NOP14: variants seen among roughly 807,000 people sequenced by gnomAD.
NOP14 encodes NOP14 nucleolar protein, also known as nucleolar protein 14.
NOP14 carries 57 observed loss-of-function variants against 101.6 expected under a neutral mutation model. The ratio of observed to expected loss-of-function variants is 0.56; its 90% CI spans 0.45 to 0.70. The LOEUF (loss-of-function observed/expected upper bound fraction) is 0.70. Ranked by LOEUF, NOP14 falls within the 30% of genes least tolerant of loss-of-function variation. The pLI, the probability that NOP14 is intolerant of heterozygous loss-of-function variation, is 0.00. For synonymous variants in NOP14, 428 were observed against 424.0 expected, an observed-to-expected ratio of 1.01 and a Z score of -0.12; for missense variants, 1,134 against 1,075.5, an observed-to-expected ratio of 1.05 and a Z score of -0.76.
At chr4:2,939,050 G>A (rs1225735350) in intron 17 of NOP14, 120 bp from the exon 18 acceptor site, 5 of 1,481,148 alleles carry the variant, frequency 3.4e-6, no homozygotes, top group Non-Finnish European at 1.9e-6. Flanking sequence ...CAAACAGGGG[G>A]AAGTGAACCT....
chr4:2,939,951 T>C (rs976692323), intron 15 of NOP14, among the ~76,000 whole-genome samples: 3 of 152,238 alleles, frequency 2.0e-5, no homozygotes, highest in Admixed American at 6.5e-5. Flanking sequence ...CACCATAGCC[T>C]GTGCTCCTCA....
In NOP14 at chr4:2,948,460, T is replaced by C; in HGVS notation, c.1283-52A>G. The stretch of plus-strand genomic sequence containing the variant: ...CATTTAACATTTATATATATGTATA[T>C]ATATTTATTTTTGAGATGGAGTCTC... On this transcript the variant is annotated intron_variant, in intron 8 of 17. Coordinates refer to ENST00000416614, the MANE Select transcript of NOP14 (RefSeq NM_001291978.2). The C allele has an allele frequency of 2.2e-6, 3 of 1,380,034 alleles. No homozygotes were observed. The South Asian group carries it at 4.3e-5, about 20-fold the overall frequency. The allele number at this position is 1,380,034 out of a possible 1,614,324, so 85.5% of individuals were successfully genotyped here.
chr4:2,948,260 C>T lies in NOP14; in HGVS notation c.1413+18G>A. On this transcript the variant is annotated intron_variant, in intron 9 of 17. Transcript: ENST00000416614. Reference sequence around the variant, plus strand: ...ATGCTGACACTCCCAGCGCTCCACACACACTCAATCCACGTACTTCTAATT... The same window carrying T: ...ATGCTGACACTCCCAGCGCTCCACATACACTCAATCCACGTACTTCTAATT... 1.3e-6 allele frequency: 2 copies of T among 1,589,236 alleles called. No individual in the cohort carries two copies. The highest frequency in any genetic ancestry group is 1.7e-6 in the Non-Finnish European group (2 of 1,171,920).
chr4:2,961,585 G>T (rs1029746360), intron 1 of NOP14: 1 of 152,244 alleles, frequency 6.6e-6, no homozygotes, highest in African/African-American at 2.4e-5. Flanking sequence ...TCAACTGGAC[G>T]ACCTGCTGTC....
At chr4:2,947,375 C>T in intron 10 of NOP14, 151 bp downstream of exon 10, 1 of 633,036 alleles carries the variant, frequency 1.6e-6, no homozygotes, top group South Asian at 1.9e-5. Flanking sequence ...GTGAGGCTCA[C>T]AAGCCCTGGG....
Position 2,945,179 on chromosome 4 carries a change from C to T in NOP14, c.1686G>A (p.Trp562Ter). Residue 562 changes from tryptophan to a stop codon, truncating the protein, a stop_gained, in exon 12 of 18, where the codon TGG (tryptophan) becomes TGA (stop). Transcript: ENST00000416614. LOFTEE classifies it high-confidence loss of function. ...TGLLFPTSDF[W>*]HPVVTPALVC... ...CGAGGGCAGGGGTCACCACTGGGTGCCAGAAGTCGGAAGTTGGAAATAGCA... is the reference window on the plus strand; with the variant it reads ...CGAGGGCAGGGGTCACCACTGGGTGTCAGAAGTCGGAAGTTGGAAATAGCA... The T allele has an allele frequency of 1.3e-5, 21 of 1,590,954 alleles. No homozygotes were observed. The highest frequency in any genetic ancestry group is 1.8e-5 in the Non-Finnish European group (21 of 1,168,458).
At chr4:2,944,384 A>G (rs1462344424) in intron 12 of NOP14, among the ~76,000 whole-genome samples, 158 bp from the exon 13 acceptor site, 1 of 151,930 alleles carries the variant, frequency 6.6e-6, no homozygotes, top group African/African-American at 2.4e-5. Context: ...ATCAAATGAG[A>G]TGAAAACAAG....
intron 7 of NOP14, chr4:2,950,463 T>C (rs1714951197): frequency 1.8e-6 from 1 of 549,846 alleles, no homozygotes; most frequent in African/African-American, 1.9e-5. Context: ...GTTCAGCTTT[T>C]GCCAGGGAGC....
intron 12 of NOP14, among the ~76,000 whole-genome samples, chr4:2,944,759 T>C (rs1177032699): frequency 6.6e-6 from 1 of 152,216 alleles, no homozygotes; most frequent in African/African-American, 2.4e-5. Flanking sequence ...GTACGATTAC[T>C]GCACTAAGCA....
Position 2,944,190 on chromosome 4 carries a change from G to T in NOP14, c.1774C>A (p.Leu592Met). The change falls in exon 13 of 18, where the codon CTG becomes ATG. Residue 592 changes from leucine to methionine, a missense_variant. Transcript: ENST00000416614. The stretch of plus-strand genomic sequence containing the variant: ...TCCAGGAACAGGCAGCACACGAACA[G>T]GCCCTTCACCACGTCCTGGAGGGAC... ...ILSLQDVVKG[L>M]FVCCLFLEYV... 4 of 1,614,058 alleles carry T rather than the reference G, an allele frequency of 2.5e-6. No homozygotes were observed. The highest frequency in any genetic ancestry group is 3.4e-6 in the Non-Finnish European group (4 of 1,179,992).
chr4:2,961,770 G>C (rs776366558), intron 1 of NOP14: 1 of 152,198 alleles, frequency 6.6e-6, no homozygotes, highest in Admixed American at 6.5e-5. Context: ...TCCTGACCGG[G>C]ATCTCCTAAG....
Position 2,944,228 on chromosome 4 carries a change from T to C in NOP14, c.1738-2A>G. 1 of 1,610,596 alleles carries C rather than the reference T, an allele frequency of 6.2e-7. No homozygotes were observed. The highest frequency in any genetic ancestry group is 1.7e-5 in the Admixed American group (1 of 59,022). ...GTCCTGGAGGGACAGGATGGGGCACTGGAAAGGAACATATGGGGGGTTACT... is the reference window on the plus strand; with the variant it reads ...GTCCTGGAGGGACAGGATGGGGCACCGGAAAGGAACATATGGGGGGTTACT... On this transcript the variant is annotated splice_acceptor_variant, in intron 12 of 17. Transcript: ENST00000416614. LOFTEE classifies it high-confidence loss of function.
chr4:2,949,655 A>G (rs1714880294), intron 8 of NOP14, among the ~76,000 whole-genome samples: 1 of 152,212 alleles, frequency 6.6e-6, no homozygotes, highest in Non-Finnish European at 1.5e-5. Flanking sequence ...GTCCACCACA[A>G]GAGGCTGACC....
Position 2,950,013 on chromosome 4 carries a change from CT to C in NOP14, c.1202del (p.Gln401ArgfsTer7), listed in dbSNP as rs1201018953. ...CGCTTATCAACCCTTTCCCAGGAGT[CT>C]GCCTCTGCTCTTTTGCTGGCTTCTC... ...ENEKPAKEQRQTPGKGLISGK... is the reference protein window; with the variant it reads ...ENEKPAKEQRXTPGKGLISGK... On this transcript the variant is annotated frameshift_variant, in exon 8 of 18. Transcript: ENST00000416614. LOFTEE classifies it high-confidence loss of function. 2 of 1,614,102 alleles carry C rather than the reference CT, an allele frequency of 1.2e-6. No homozygotes were observed. The highest frequency in any genetic ancestry group is 8.5e-7 in the Non-Finnish European group (1 of 1,180,046).
rs758025573 is a variant in NOP14 at position 2,948,271 on chromosome 4, C to A, written c.1413+7G>T. On this transcript the variant is annotated splice_region_variant and intron_variant, in intron 9 of 17. Coordinates refer to ENST00000416614, the MANE Select transcript of NOP14 (RefSeq NM_001291978.2). The stretch of plus-strand genomic sequence containing the variant: ...CCCAGCGCTCCACACACACTCAATC[C>A]ACGTACTTCTAATTTTGCTTTGTTT... The A allele has an allele frequency of 3.6e-5, 58 of 1,596,248 alleles. No individual in the cohort carries two copies. The Middle Eastern group carries it at 6.6e-4, about 18-fold the overall frequency.
In NOP14 at chr4:2,956,823, G is replaced by T; in HGVS notation, c.331-12C>A. The T allele has an allele frequency of 6.6e-7, 1 of 1,518,964 alleles. No homozygotes were observed. The allele number at this position is 1,518,964 out of a possible 1,614,324, so 94.1% of individuals were successfully genotyped here. A position where few individuals can be genotyped will look rare whatever the true frequency, so the allele number is the denominator to read the frequency against. ...TTCTCATGATGTCGCTGACAGAAGA[G>T]AAAAAAAGTTTCCTAAAATTACCAC... On this transcript the variant is annotated splice_polypyrimidine_tract_variant and intron_variant, in intron 2 of 17. Transcript: ENST00000416614.
intron 9 of NOP14, 111 bp downstream of exon 9, chr4:2,948,167 C>A: frequency 7.5e-7 from 1 of 1,326,908 alleles, no homozygotes; most frequent in Non-Finnish European, 1.0e-6. Context: ...CGGGCTGGCC[C>A]CATCTGGCCT....
intron 8 of NOP14, 134 bp downstream of exon 8, chr4:2,949,800 G>T: frequency 4.1e-6 from 4 of 964,082 alleles, no homozygotes; most frequent in African/African-American, 1.6e-5. Flanking sequence ...ACAGGGGTGT[G>T]TCCAGGCACT....
Position 2,963,406 on chromosome 4 carries a change from C to T in NOP14, c.-87G>A. On this transcript the variant is annotated 5_prime_UTR_variant, in exon 1 of 18. Transcript: ENST00000416614. ...TAAGACACGTGCCGGGCCGCGGAAC[C>T]GCTTCCTCGTCTCGCGAGAACAGCG... 1 of 1,346,442 alleles carries T rather than the reference C, an allele frequency of 7.4e-7. No homozygotes were observed. The highest frequency in any genetic ancestry group is 9.7e-7 in the Non-Finnish European group (1 of 1,027,834). 83.4% of individuals were successfully genotyped at this position (1,346,442 alleles called of 1,614,324 possible). A position where few individuals can be genotyped will look rare whatever the true frequency, so the allele number is the denominator to read the frequency against.
Sources: allele counts gnomAD v4.1 joint callset (sites outside exome capture counted in the v4.1 genomes callset), GRCh38; gene constraint gnomAD v4.1.1; transcripts MANE v1.5; gene names NCBI Gene and HGNC (gene_info 2026-07-23, HGNC 2026-07-21).